The following SLC9B1 variants were observed in gnomAD, a reference collection of about 807,000 sequenced individuals.
The protein encoded by SLC9B1 is solute carrier family 9 member B1.
Under a neutral mutation model 51.7 loss-of-function variants are expected in SLC9B1, and 32 were observed. The observed-to-expected ratio is 0.62, with a 90% confidence interval of 0.47 to 0.83. The LOEUF is 0.83. SLC9B1 is among the 40% of genes least tolerant of loss of function. The pLI is 0.00. For synonymous variants in SLC9B1, 145 were observed against 212.7 expected (o/e 0.68, Z 2.77); for missense variants, 406 against 613.2 (o/e 0.66, Z 3.57).
chr4:102,999,135 C>A (rs1307343532), intron 1 of SLC9B1, among the ~76,000 whole-genome samples: 1 of 152,094 alleles, frequency 6.6e-6, no homozygotes, highest in Non-Finnish European at 1.5e-5. Context: ...GCATCTTTGC[C>A]CATTTTAAAA....
intron 1 of SLC9B1, among the ~76,000 whole-genome samples, chr4:103,005,697 T>C (rs545565784): frequency 6.6e-6 from 1 of 152,100 alleles, no homozygotes; most frequent in Non-Finnish European, 1.5e-5. Context: ...ATTGGCCACA[T>C]GATCAGCCAT....
rs2110554399 is a variant in SLC9B1 at position 103,019,704 on chromosome 4, GC to G, written c.-108del. 2.0e-6 allele frequency: 2 copies of G among 985,526 alleles called. No individual in the cohort carries two copies. The highest frequency in any genetic ancestry group is 9.4e-5 in the South Asian group (2 of 21,304). The allele number at this position is 985,526 out of a possible 1,614,324, so 61.0% of individuals were successfully genotyped here. ...AGGTGGGCAGGGTGGTGACGCGAAA[GC>G]CCGGATAGACTTCCGCGCAGGGGCG... On this transcript the variant is annotated 5_prime_UTR_variant, in exon 1 of 12. Transcript: ENST00000296422.
At chr4:102,923,213 C>T (rs534413100) in intron 7 of SLC9B1, among the ~76,000 whole-genome samples, 1 of 152,282 alleles carries the variant, frequency 6.6e-6, no homozygotes, top group Non-Finnish European at 1.5e-5. Context: ...GCTTATCCAC[C>T]ACGATCAAGT....
intron 1 of SLC9B1, among the ~76,000 whole-genome samples, chr4:102,994,981 G>C (rs184950212): frequency 6.6e-6 from 1 of 152,258 alleles, no homozygotes; most frequent in Non-Finnish European, 1.5e-5. Flanking sequence ...TGACTACCTT[G>C]TCATAAGCTG....
chr4:102,976,939 A>G (rs4699044), intron 3 of SLC9B1, among the ~76,000 whole-genome samples: 87,461 of 152,048 alleles, frequency 0.58, 26,423 homozygotes, highest in African/African-American at 0.77. Flanking sequence ...GCTTGAGCCC[A>G]GAAGTTGAAG....
At chr4:102,899,335 T>C (rs1451655591), downstream of SLC9B1, among the ~76,000 whole-genome samples, 1 of 150,574 alleles carries the variant, frequency 6.6e-6, no homozygotes, top group Non-Finnish European at 1.5e-5. Flanking sequence ...CTCTCTTTTA[T>C]TAAAATAAAC....
chr4:102,941,735 C>T (rs552100368), intron 6 of SLC9B1, among the ~76,000 whole-genome samples: 32 of 150,800 alleles, frequency 2.1e-4, no homozygotes, highest in East Asian at 3.9e-4. Flanking sequence ...AGCATTCCCC[C>T]GAGAACTGGA....
chr4:102,970,751 T>G (rs1738713212), intron 3 of SLC9B1, among the ~76,000 whole-genome samples: 3 of 152,236 alleles, frequency 2.0e-5, no homozygotes, highest in Admixed American at 6.5e-5. Flanking sequence ...CCATCTCACA[T>G]GCAGAGACAC....
chr4:102,894,426 C>T (rs558993568), intron 11 of SLC9B1, among the ~76,000 whole-genome samples: 167 of 151,716 alleles, frequency 1.1e-3, no homozygotes, highest in African/African-American at 4.0e-3. Context: ...GATTATATGC[C>T]TAGGAAATCA....
chr4:103,004,575 T>C (rs943283646), intron 1 of SLC9B1, among the ~76,000 whole-genome samples: 2 of 152,072 alleles, frequency 1.3e-5, no homozygotes, highest in African/African-American at 2.4e-5. Context: ...ATTCAAGAAA[T>C]GCAGAGAACC....
intron 1 of SLC9B1, among the ~76,000 whole-genome samples, chr4:102,995,154 A>T (rs1740149336): frequency 6.6e-6 from 1 of 152,206 alleles, no homozygotes; most frequent in Non-Finnish European, 1.5e-5. Flanking sequence ...CACACTTAAT[A>T]ATTTTTGAAT....
intron 1 of SLC9B1, among the ~76,000 whole-genome samples, chr4:103,015,616 A>T (rs1219707410): frequency 6.6e-6 from 1 of 151,974 alleles, no homozygotes; most frequent in Admixed American, 6.6e-5. Flanking sequence ...TATTATTCTG[A>T]TTGCTTTCCA....
At chr4:102,958,652 G>A (rs984216538) in intron 3 of SLC9B1, among the ~76,000 whole-genome samples, 1 of 152,154 alleles carries the variant, frequency 6.6e-6, no homozygotes, top group African/African-American at 2.4e-5. Flanking sequence ...GCCAGGCGCA[G>A]TGGCTCATAC....
intron 3 of SLC9B1, among the ~76,000 whole-genome samples, chr4:102,964,963 G>A (rs2110492284): frequency 6.6e-6 from 1 of 152,064 alleles, no homozygotes; most frequent in Non-Finnish European, 1.5e-5. Flanking sequence ...TCTTTTTATT[G>A]TTAGCCTTGT....
At chr4:102,925,821 G>A (rs1449042561) in intron 7 of SLC9B1, among the ~76,000 whole-genome samples, 1 of 152,152 alleles carries the variant, frequency 6.6e-6, no homozygotes, top group Admixed American at 6.5e-5. Flanking sequence ...CAATATCCCT[G>A]ATGAACATCG....
intron 1 of SLC9B1, among the ~76,000 whole-genome samples, chr4:103,002,255 T>C (rs570770518): frequency 9.2e-5 from 14 of 152,314 alleles, no homozygotes; most frequent in Middle Eastern, 3.4e-3. Context: ...TGTCCATACT[T>C]TCCTATATTG....
chr4:102,920,787 A>G (rs890642645), intron 7 of SLC9B1, among the ~76,000 whole-genome samples: 1 of 152,256 alleles, frequency 6.6e-6, no homozygotes. Flanking sequence ...TAGCCGATTC[A>G]ATCAAGTGGA....
chr4:102,925,662 G>T, intron 7 of SLC9B1, among the ~76,000 whole-genome samples: 1 of 116,512 alleles, frequency 8.6e-6, no homozygotes, highest in Non-Finnish European at 1.7e-5. Flanking sequence ...TATCAACATT[G>T]AAAACATCAA....
chr4:103,011,646 G>A lies in SLC9B1; in HGVS notation c.-2+7953C>T, dbSNP rs146758008. Among the ~76,000 whole-genome samples, 855 of 152,242 alleles carry A rather than the reference G, an allele frequency of 5.6e-3. 6 individuals are homozygous for A. Among genetic ancestry groups the A allele is most frequent in the Non-Finnish European group, 8.0e-3 (541 of 68,014 alleles). ...TGTGACCTCCTTTGAAATCTATGCG[G>A]AGATAGCCATGACTACAGACTTAGC... On this transcript the variant is annotated intron_variant, in intron 1 of 11. Coordinates refer to ENST00000296422, the MANE Select transcript of SLC9B1 (RefSeq NM_139173.4).
Sources: allele counts gnomAD v4.1 joint callset (sites outside exome capture counted in the v4.1 genomes callset), GRCh38; gene constraint gnomAD v4.1.1; transcripts MANE v1.5; gene names NCBI Gene and HGNC (gene_info 2026-07-23, HGNC 2026-07-21).